The following PPP4R3A variants were observed in gnomAD, a reference collection of about 807,000 sequenced individuals.
The protein encoded by PPP4R3A is protein phosphatase 4 regulatory subunit 3A.
A neutral mutation model predicts 91.7 loss-of-function variants in PPP4R3A; 15 were observed. That is an observed-to-expected ratio of 0.16 (90% CI 0.11 to 0.25). The LOEUF (loss-of-function observed/expected upper bound fraction) is 0.25. Among genes scored for constraint, PPP4R3A ranks in the 10% least tolerant of loss-of-function variants. The pLI is 1.00. For synonymous variants in PPP4R3A, 377 were observed against 348.7 expected (o/e 1.08, Z -0.91); for missense variants, 623 against 998.4 (o/e 0.62, Z 5.07).
chr14:91,487,476 A>T (rs2140127236), intron 2 of PPP4R3A, among the ~76,000 whole-genome samples: 1 of 152,300 alleles, frequency 6.6e-6, no homozygotes, highest in South Asian at 2.1e-4. Flanking sequence ...TCAAGCTGGT[A>T]CAAAGAGAAT....
At position 91,490,749 on chromosome 14, in the gene PPP4R3A, G is replaced by T; in HGVS notation, c.196C>A (p.Gln66Lys). 6.2e-7 allele frequency: 1 copy of T among 1,607,402 alleles called. No individual in the cohort carries two copies. Among genetic ancestry groups the T allele is most frequent in the Non-Finnish European group, 8.5e-7 (1 of 1,177,336 alleles). Residue 66 changes from glutamine (Q) to lysine (K), a missense_variant and splice_region_variant, in exon 2 of 15, where the codon CAG (glutamine) becomes AAG (lysine). Gln to Lys is a moderately conservative substitution (Grantham distance 53, BLOSUM62 1). Coordinates refer to ENST00000554943, the MANE Select transcript of PPP4R3A (RefSeq NM_001366432.2). Reference sequence around the variant, plus strand: ...AAAACACATCTTCAAAATTTTACCTGTTGTTTCTGGTATGCAGTGTTAGGA... The same window carrying T: ...AAAACACATCTTCAAAATTTTACCTTTTGTTTCTGGTATGCAGTGTTAGGA... Reference protein sequence around the residue: ...INPNTAYQKQQDTLIVWSEAE... With the variant: ...INPNTAYQKQKDTLIVWSEAE...
Position 91,476,289 on chromosome 14 carries a change from A to T in PPP4R3A, c.1110+119T>A. On this transcript the variant is annotated intron_variant, in intron 6 of 14. Transcript: ENST00000554943. ...TGGAATTTTACAGCTTCTTTAACTTAATGAACTACGCAGCTAATTTCAAAT... is the reference window on the plus strand; with the variant it reads ...TGGAATTTTACAGCTTCTTTAACTTTATGAACTACGCAGCTAATTTCAAAT... The T allele has an allele frequency of 6.0e-6, 5 of 827,122 alleles. No individual in the cohort carries two copies. In the East Asian group the frequency reaches 1.3e-4, roughly 22 times the overall value. The allele number at this position is 827,122 out of a possible 1,614,324, so 51.2% of individuals were successfully genotyped here.
At chr14:91,507,427 T>C (rs1474018039) in intron 1 of PPP4R3A, among the ~76,000 whole-genome samples, 3 of 135,854 alleles carry the variant, frequency 2.2e-5, no homozygotes, top group Non-Finnish European at 4.7e-5. Context: ...ATAATATATA[T>C]ACTATAATTA....
At chr14:91,493,312 C>CAA (rs59007966) in intron 1 of PPP4R3A, among the ~76,000 whole-genome samples, 2 of 136,266 alleles carry the variant, frequency 1.5e-5, no homozygotes, top group Non-Finnish European at 3.1e-5. Flanking sequence ...GACTCTGCCT[C>CAA]AAAAAAAAAA....
At chr14:91,477,936 A>G (rs1285247068) in intron 4 of PPP4R3A, among the ~76,000 whole-genome samples, 1 of 136,466 alleles carries the variant, frequency 7.3e-6, no homozygotes, top group Non-Finnish European at 1.6e-5. Flanking sequence ...CACATGAACC[A>G]CCATGCTCGA....
intron 1 of PPP4R3A, among the ~76,000 whole-genome samples, chr14:91,504,596 C>G (rs1891171711): frequency 7.0e-6 from 1 of 142,714 alleles, no homozygotes; most frequent in Non-Finnish European, 1.5e-5. Context: ...GAGCGAAACA[C>G]TGACTCAAAA....
chr14:91,458,713 G>T lies in PPP4R3A; in HGVS notation c.*46C>A, dbSNP rs781158190. ...GGATTTTGTATGGGGGAGGGGTGGAGAACCAGTTTTTTTCAACAGGTACTG... is the reference window on the plus strand; with the variant it reads ...GGATTTTGTATGGGGGAGGGGTGGATAACCAGTTTTTTTCAACAGGTACTG... On this transcript the variant is annotated 3_prime_UTR_variant, in exon 15 of 15. Coordinates refer to ENST00000554943, the MANE Select transcript of PPP4R3A (RefSeq NM_001366432.2). The T allele has an allele frequency of 1.6e-5, 26 of 1,613,500 alleles. No individual in the cohort carries two copies. The highest frequency in any genetic ancestry group is 5.0e-5 in the Admixed American group (3 of 59,990).
intron 3 of PPP4R3A, 66 bp from the exon 4 acceptor site, chr14:91,482,259 C>G (rs1313865564): frequency 6.8e-7 from 1 of 1,474,090 alleles, no homozygotes; most frequent in African/African-American, 1.4e-5. Context: ...AAATGCTACT[C>G]TAAGATGAAT....
At chr14:91,486,841 T>C (rs1253492235) in intron 2 of PPP4R3A, among the ~76,000 whole-genome samples, 3 of 148,128 alleles carry the variant, frequency 2.0e-5, no homozygotes, top group Admixed American at 6.8e-5. Flanking sequence ...GAGGCGGAGG[T>C]TGCAGTGAGC....
Position 91,462,112 on chromosome 14 carries a change from CAGATGG to C in PPP4R3A, c.2095_2100del (p.Pro699_Ser700del), listed in dbSNP as rs1888194921. On this transcript the variant is annotated inframe_deletion, in exon 13 of 15. Coordinates refer to ENST00000554943, the MANE Select transcript of PPP4R3A (RefSeq NM_001366432.2). Reference sequence around the variant, plus strand: ...ATATCATCATCATTTTTAGTTTTGTCAGATGGAGACACTACAGCTTCTCCATCTTCC... The same window carrying C: ...ATATCATCATCATTTTTAGTTTTGTCAGACACTACAGCTTCTCCATCTTCC... 3 of 1,572,544 alleles carry C rather than the reference CAGATGG, an allele frequency of 1.9e-6. No individual in the cohort carries two copies. Among genetic ancestry groups the C allele is most frequent in the Non-Finnish European group, 2.6e-6 (3 of 1,164,086 alleles).
Position 91,509,756 on chromosome 14 carries a change from CG to C in PPP4R3A, c.-110del. The C allele has an allele frequency of 7.6e-7, 1 of 1,318,894 alleles. No homozygotes were observed. Among genetic ancestry groups the C allele is most frequent in the Non-Finnish European group, 9.6e-7 (1 of 1,040,052 alleles). 81.7% of individuals were successfully genotyped at this position (1,318,894 alleles called of 1,614,324 possible). On this transcript the variant is annotated 5_prime_UTR_variant, in exon 1 of 15. Transcript: ENST00000554943. ...GGGCGCCCGCGAGCGGAGGGCTCCC[CG>C]GCCTCACTGCCGCCGCTGGGCGCCG...
chr14:91,458,708 G>A lies in PPP4R3A; in HGVS notation c.*51C>T, dbSNP rs758634669. ...GTTGTGGATTTTGTATGGGGGAGGG[G>A]TGGAGAACCAGTTTTTTTCAACAGG... On this transcript the variant is annotated 3_prime_UTR_variant, in exon 15 of 15. Transcript: ENST00000554943. 9.9e-6 allele frequency: 16 copies of A among 1,613,410 alleles called. No individual in the cohort carries two copies. The highest frequency in any genetic ancestry group is 5.5e-5 in the South Asian group (5 of 91,000).
chr14:91,507,394 T>TATAACTATAATTATATATACTATATA (rs1566660222), intron 1 of PPP4R3A, among the ~76,000 whole-genome samples: 3 of 59,668 alleles, frequency 5.0e-5, no homozygotes, highest in African/African-American at 1.6e-4. Flanking sequence ...ATATAGTATA[T>TATAACTATAATTATATATACTATATA]GTACTATAAT....
At chr14:91,487,161 A>G (rs1889942260) in intron 2 of PPP4R3A, among the ~76,000 whole-genome samples, 1 of 147,676 alleles carries the variant, frequency 6.8e-6, no homozygotes, top group African/African-American at 2.5e-5. Context: ...GATGTGGGAG[A>G]GTCACTTGAA....
chr14:91,486,597 A>G (rs556179708), intron 2 of PPP4R3A, among the ~76,000 whole-genome samples: 1 of 152,296 alleles, frequency 6.6e-6, no homozygotes, highest in Admixed American at 6.5e-5. Context: ...TAGTACCAAG[A>G]GCATATATTC....
Position 91,461,388 on chromosome 14 carries a change from G to C in PPP4R3A, c.2384C>G (p.Thr795Ser). ...PKNTSQTAAI[T>S]TKGGLVGLVD... ...TGGGAGTCAAGAATGTACCTTTGTA[G>C]TAATAGCTGCCGTCTGAGATGTATT... is the stretch of plus-strand genomic sequence containing the variant. Residue 795 changes from threonine to serine, a missense_variant, in exon 14 of 15, where the codon ACT becomes AGT. Around this residue, in one of 5 missense-constraint regions of PPP4R3A, gnomAD observed 201 missense variants for 229.9 expected, o/e 0.87. Transcript: ENST00000554943. 2 of 1,606,018 alleles carry C rather than the reference G, an allele frequency of 1.2e-6. No individual in the cohort carries two copies. The highest frequency in any genetic ancestry group is 1.7e-6 in the Non-Finnish European group (2 of 1,173,008).
At chr14:91,469,116 T>A (rs1360167987) in intron 10 of PPP4R3A, among the ~76,000 whole-genome samples, 3 of 133,150 alleles carry the variant, frequency 2.3e-5, no homozygotes, top group Non-Finnish European at 3.1e-5. Context: ...ATTTTTTCTG[T>A]AAAAAAAAAA....
chr14:91,461,352 A>G (rs1888141804), intron 14 of PPP4R3A, 29 bp downstream of exon 14: 5 of 1,581,208 alleles, frequency 3.2e-6, no homozygotes, highest in African/African-American at 1.3e-5. Flanking sequence ...TTGGGAAAAA[A>G]GGGGGCAAAA....
intron 14 of PPP4R3A, among the ~76,000 whole-genome samples, 193 bp from the exon 15 acceptor site, chr14:91,459,062 T>G (rs1020327420): frequency 3.3e-5 from 5 of 152,142 alleles, no homozygotes; most frequent in Non-Finnish European, 7.4e-5. Flanking sequence ...ACATGCATAC[T>G]TTTTTACAAT....
Sources: gnomAD v4.1 joint callset for allele counts (sites outside exome capture counted in the v4.1 genomes callset) on GRCh38, gnomAD v4.1.1 for gene constraint, gnomAD v4.1.1 regional missense constraint, MANE v1.5 for transcripts, NCBI Gene and HGNC (gene_info 2026-07-23, HGNC 2026-07-21) for gene names.